Variants in MIGA2 observed in about 807,000 individuals in gnomAD.
The protein encoded by MIGA2 is mitoguardin 2.
A neutral mutation model predicts 69.9 loss-of-function variants in MIGA2; 36 were observed. That is an observed-to-expected ratio of 0.52 (90% CI 0.39 to 0.68). MIGA2 has a LOEUF of 0.68. MIGA2 is among the 30% of genes least tolerant of loss of function. The pLI is 0.00. For synonymous variants in MIGA2, 333 were observed against 349.2 expected (o/e 0.95, Z 0.52); for missense variants, 660 against 787.7 (o/e 0.84, Z 1.94).
intron 6 of MIGA2, chr9:129,051,470 G>T (rs2131361879): frequency 6.6e-6 from 1 of 151,052 alleles, no homozygotes; most frequent in Non-Finnish European, 1.5e-5. Context: ...TAGAGACGGG[G>T]TTTCACCATG....
chr9:129,037,251 T>C (rs1168541268), intron 1 of MIGA2, among the ~76,000 whole-genome samples: 2 of 151,610 alleles, frequency 1.3e-5, no homozygotes, highest in Non-Finnish European at 2.9e-5. Context: ...AATGAGTGAG[T>C]GCACAGGCCA....
At chr9:129,043,393 T>C (rs1446006533) in intron 3 of MIGA2, among the ~76,000 whole-genome samples, 1 of 149,084 alleles carries the variant, frequency 6.7e-6, no homozygotes, top group African/African-American at 2.5e-5. Context: ...TCTTTTTTTT[T>C]TTTTTTTTTT....
chr9:129,054,052 G>C (rs1040832763), intron 6 of MIGA2, among the ~76,000 whole-genome samples: 1 of 151,968 alleles, frequency 6.6e-6, no homozygotes, highest in African/African-American at 2.4e-5. Flanking sequence ...AAAAAGAAAA[G>C]ATATAATTCA....
chr9:129,040,930 C>T (rs1844869291), intron 2 of MIGA2, among the ~76,000 whole-genome samples: 1 of 152,164 alleles, frequency 6.6e-6, no homozygotes, highest in Non-Finnish European at 1.5e-5. Flanking sequence ...ATGGCTCACG[C>T]CTGTAATCCC....
At chr9:129,067,694 G>A in intron 11 of MIGA2, 79 bp from the exon 12 acceptor site, 1 of 1,360,930 alleles carries the variant, frequency 7.3e-7, no homozygotes, top group South Asian at 1.3e-5. Flanking sequence ...CCGTGCCTTG[G>A]CATGTCCCCC....
chr9:129,063,222 A>C (rs1588408703), intron 9 of MIGA2, 22 bp from the exon 10 acceptor site: 4 of 1,613,626 alleles, frequency 2.5e-6, no homozygotes, highest in Non-Finnish European at 3.4e-6. Context: ...AGGTTGTGTG[A>C]CGCCGTCTGT....
chr9:129,066,355 C>T (rs1341006900), intron 11 of MIGA2, among the ~76,000 whole-genome samples: 5 of 152,146 alleles, frequency 3.3e-5, no homozygotes, highest in African/African-American at 1.2e-4. Context: ...CTCTTTGTAA[C>T]CTTCCCAGTA....
intron 6 of MIGA2, among the ~76,000 whole-genome samples, chr9:129,058,272 A>G (rs1287116794): frequency 6.6e-6 from 1 of 151,876 alleles, no homozygotes; most frequent in African/African-American, 2.4e-5. Context: ...ATGGTGATGT[A>G]TGCCTGTAGT....
chr9:129,062,549 AGCAAAAAAACT>A (rs976410064), intron 9 of MIGA2, among the ~76,000 whole-genome samples: 5 of 148,926 alleles, frequency 3.4e-5, no homozygotes, highest in African/African-American at 5.0e-5. Context: ...AAAAAAAAAA[AGCAAAAAAACT>A]GGGCCAGGCG....
Position 129,063,188 on chromosome 9 carries a change from C to T in MIGA2, c.1011-56C>T, listed in dbSNP as rs914393282. The T allele has an allele frequency of 2.4e-5, 39 of 1,596,508 alleles. No individual in the cohort carries two copies. In the African/African-American group the frequency reaches 4.8e-4, roughly 20 times the overall value. ...CCCCACCCAGGTGCCACCTGACCCC[C>T]CGGGGCATCGCTGGGCAGGGACCAG... On this transcript the variant is annotated intron_variant, in intron 9 of 15. Coordinates refer to ENST00000684074, the MANE Select transcript of MIGA2 (RefSeq NM_001329990.2).
At chr9:129,053,056 T>C (rs1845629394) in intron 6 of MIGA2, among the ~76,000 whole-genome samples, 1 of 152,206 alleles carries the variant, frequency 6.6e-6, no homozygotes, top group South Asian at 2.1e-4. Context: ...ATATTCCTTA[T>C]CAAATAATGA....
At position 129,060,526 on chromosome 9, in the gene MIGA2, G is replaced by C; in HGVS notation, c.794-24G>C. ...GCACTGTGTGGGGAGTCTCAGCCCC[G>C]CTTTCTCTCACTGCTCTTCCCAGAG... On this transcript the variant is annotated intron_variant, in intron 7 of 15. Coordinates refer to ENST00000684074, the MANE Select transcript of MIGA2 (RefSeq NM_001329990.2). The surrounding 1 kb of genome is among the most constrained non-coding windows in gnomAD (Gnocchi z 4.8). 1 of 1,559,734 alleles carries C rather than the reference G, an allele frequency of 6.4e-7. No individual in the cohort carries two copies. Among genetic ancestry groups the C allele is most frequent in the Middle Eastern group, 1.7e-4 (1 of 5,976 alleles).
intron 3 of MIGA2, among the ~76,000 whole-genome samples, chr9:129,043,374 T>C (rs1038129362): frequency 1.3e-5 from 2 of 151,162 alleles, no homozygotes; most frequent in African/African-American, 4.9e-5. Context: ...TCACACTCCT[T>C]CTGTTCTCTC....
intron 6 of MIGA2, among the ~76,000 whole-genome samples, chr9:129,055,045 C>T (rs918520399): frequency 1.3e-5 from 2 of 151,204 alleles, no homozygotes; most frequent in Non-Finnish European, 2.9e-5. Context: ...GCGCACGTCA[C>T]CACGCCTGGC....
At chr9:129,067,185 G>A (rs1043359881) in intron 11 of MIGA2, among the ~76,000 whole-genome samples, 2 of 149,194 alleles carry the variant, frequency 1.3e-5, no homozygotes, top group African/African-American at 4.9e-5. Context: ...TCTGAGAACC[G>A]ACCCTAACAC....
intron 3 of MIGA2, among the ~76,000 whole-genome samples, 191 bp from the exon 4 acceptor site, chr9:129,048,236 T>C (rs1845333940): frequency 6.6e-6 from 1 of 152,170 alleles, no homozygotes. Context: ...GATGTGGTCA[T>C]GAGCAGGACA....
chr9:129,066,445 C>T (rs542705959), intron 11 of MIGA2, among the ~76,000 whole-genome samples: 18 of 151,970 alleles, frequency 1.2e-4, no homozygotes, highest in Non-Finnish European at 2.4e-4. Flanking sequence ...GAGGCCAAGG[C>T]GGGAGGATCA....
At chr9:129,048,645 C>A (rs1389208986) in intron 4 of MIGA2, 106 bp downstream of exon 4, 5 of 817,050 alleles carry the variant, frequency 6.1e-6, no homozygotes, top group South Asian at 6.1e-5. Flanking sequence ...TTCATTCATT[C>A]TCTCTCTCAC....
chr9:129,049,066 G>C (rs1322847821), intron 4 of MIGA2, among the ~76,000 whole-genome samples: 3 of 152,178 alleles, frequency 2.0e-5, no homozygotes, highest in Non-Finnish European at 2.9e-5. Flanking sequence ...TTGTTCAAGG[G>C]GTAGAGGAGC....
Sources: allele counts gnomAD v4.1 joint callset (sites outside exome capture counted in the v4.1 genomes callset), GRCh38; gene constraint gnomAD v4.1.1; non-coding constraint Gnocchi (gnomAD v3.1); transcripts MANE v1.5; gene names NCBI Gene and HGNC (gene_info 2026-07-23, HGNC 2026-07-21).